The following NKAIN2 variants were observed in gnomAD, a reference collection of about 807,000 sequenced individuals.
NKAIN2 encodes the protein sodium/potassium-transporting ATPase subunit beta-1-interacting protein 2.
In NKAIN2, 14 loss-of-function variants were observed where a neutral mutation model predicts 32.6. The ratio of observed to expected loss-of-function variants is 0.43; its 90% CI spans 0.28 to 0.67. The LOEUF is 0.67. NKAIN2 is among the 30% of genes least tolerant of loss of function. The pLI is 0.17. For synonymous variants in NKAIN2, 80 were observed against 87.2 expected (o/e 0.92, Z 0.46); for missense variants, 198 against 258.3 (o/e 0.77, Z 1.60).
chr6:123,907,127 A>T (rs547381478), intron 1 of NKAIN2, among the ~76,000 whole-genome samples: 127 of 152,240 alleles, frequency 8.3e-4, no homozygotes, highest in African/African-American at 2.9e-3. Context: ...GGTTTTATTT[A>T]CTGCTTGGCT....
chr6:124,447,777 G>A lies in NKAIN2; in HGVS notation c.273+92430G>A, dbSNP rs554210881. 6.6e-5 allele frequency among the ~76,000 whole-genome samples: 10 copies of A among 152,226 alleles called. No individual in the cohort carries two copies. The South Asian group carries it at 2.1e-3, about 32-fold the overall frequency. On this transcript the variant is annotated intron_variant, in intron 3 of 6. Coordinates refer to ENST00000368417, the MANE Select transcript of NKAIN2 (RefSeq NM_001040214.3). Reference sequence around the variant, plus strand: ...CGTGGAAGCTTCTCCAGGACTGAAAGTTTTTAAATGCTGGTGAGTTTGTGG... The same window carrying A: ...CGTGGAAGCTTCTCCAGGACTGAAAATTTTTAAATGCTGGTGAGTTTGTGG...
At chr6:123,893,646 G>A (rs1000626883) in intron 1 of NKAIN2, among the ~76,000 whole-genome samples, 3 of 152,198 alleles carry the variant, frequency 2.0e-5, no homozygotes, top group Middle Eastern at 3.2e-3. Flanking sequence ...CTATATAGTG[G>A]TAGAGCAAAG....
chr6:124,147,499 A>G (rs746985102), intron 1 of NKAIN2, among the ~76,000 whole-genome samples: 1 of 152,154 alleles, frequency 6.6e-6, no homozygotes. Context: ...AAAGACTAAA[A>G]TAAATGCTCA....
intron 1 of NKAIN2, among the ~76,000 whole-genome samples, chr6:124,146,297 A>G (rs544254876): frequency 1.3e-5 from 2 of 152,338 alleles, no homozygotes; most frequent in East Asian, 1.9e-4. Flanking sequence ...TCTTTTCAGA[A>G]CTACAATTAG....
intron 2 of NKAIN2, among the ~76,000 whole-genome samples, chr6:124,286,686 G>A (rs1335790443): frequency 9.1e-5 from 12 of 131,260 alleles, no homozygotes; most frequent in African/African-American, 4.9e-4. Context: ...GCGCGCGTGT[G>A]TGTGTGTGTG....
chr6:124,598,735 A>T (rs546091040), intron 3 of NKAIN2, among the ~76,000 whole-genome samples: 1 of 152,238 alleles, frequency 6.6e-6, no homozygotes, highest in South Asian at 2.1e-4. Context: ...AGCACTTAAG[A>T]ACCTAAACCA....
chr6:124,483,125 A>G (rs1161236452), intron 3 of NKAIN2, among the ~76,000 whole-genome samples: 21 of 152,164 alleles, frequency 1.4e-4, no homozygotes, highest in Admixed American at 1.4e-3. Flanking sequence ...TTCAAAAAAA[A>G]AAAGGAAATG....
chr6:123,945,327 G>T (rs1368233928), intron 1 of NKAIN2, among the ~76,000 whole-genome samples: 2 of 152,066 alleles, frequency 1.3e-5, no homozygotes, highest in African/African-American at 4.8e-5. Context: ...TCTTATGAAG[G>T]ATGTGGTATA....
intron 4 of NKAIN2, among the ~76,000 whole-genome samples, chr6:124,749,481 A>G (rs1375562921): frequency 6.6e-6 from 1 of 152,026 alleles, no homozygotes; most frequent in Non-Finnish European, 1.5e-5. Flanking sequence ...AGGGTAAAAA[A>G]GAAAATTATA....
At chr6:124,026,615 A>G (rs914827918) in intron 1 of NKAIN2, among the ~76,000 whole-genome samples, 5 of 152,166 alleles carry the variant, frequency 3.3e-5, no homozygotes, top group East Asian at 1.9e-4. Context: ...CTCATCATCA[A>G]TCATTGCTTT....
At chr6:123,967,992 A>G (rs1267171614) in intron 1 of NKAIN2, among the ~76,000 whole-genome samples, 1 of 152,174 alleles carries the variant, frequency 6.6e-6, no homozygotes, top group African/African-American at 2.4e-5. Context: ...ATGTAAAATG[A>G]TGAGTTCTGG....
In NKAIN2 at chr6:124,486,418, T is replaced by C. The variant is rs565131872; in HGVS notation, c.273+131071T>C. ...TTAATGTATGAAATGTTTCTGGCAC[T>C]GCTTGTTTTTAGTAAGCGTTTGTGT... On this transcript the variant is annotated intron_variant, in intron 3 of 6. Coordinates refer to ENST00000368417, the MANE Select transcript of NKAIN2 (RefSeq NM_001040214.3). Among the ~76,000 whole-genome samples the C allele has an allele frequency of 2.0e-3, 307 of 152,366 alleles. 1 individual carries two copies. The highest frequency in any genetic ancestry group is 7.2e-3 in the African/African-American group (298 of 41,594).
intron 1 of NKAIN2, among the ~76,000 whole-genome samples, chr6:123,978,737 T>C (rs924167391): frequency 6.6e-6 from 1 of 152,174 alleles, no homozygotes; most frequent in South Asian, 2.1e-4. Context: ...CACTCACATA[T>C]ATCTTGTTAA....
At chr6:124,737,325 G>T (rs559508472) in intron 4 of NKAIN2, among the ~76,000 whole-genome samples, 2 of 151,798 alleles carry the variant, frequency 1.3e-5, no homozygotes, top group African/African-American at 2.4e-5. Context: ...TTTAAAAGGG[G>T]CTTTTCCCCC....
At chr6:123,932,892 G>C (rs1776320913) in intron 1 of NKAIN2, among the ~76,000 whole-genome samples, 1 of 151,014 alleles carries the variant, frequency 6.6e-6, no homozygotes, top group Non-Finnish European at 1.5e-5. Context: ...CACCACTCTG[G>C]TGAAGGTCTT....
chr6:124,640,714 C>T (rs1184980435), intron 3 of NKAIN2, among the ~76,000 whole-genome samples: 1 of 152,204 alleles, frequency 6.6e-6, no homozygotes, highest in East Asian at 1.9e-4. Context: ...AGATCCCACT[C>T]ATAGCTGATG....
chr6:124,189,781 C>T (rs1165654504), intron 1 of NKAIN2, among the ~76,000 whole-genome samples: 1 of 152,118 alleles, frequency 6.6e-6, no homozygotes, highest in African/African-American at 2.4e-5. Flanking sequence ...CATCTTTCCT[C>T]CTTAGTGGTA....
chr6:124,323,154 TTAAATA>T (rs1797264041), intron 2 of NKAIN2, among the ~76,000 whole-genome samples: 1 of 152,210 alleles, frequency 6.6e-6, no homozygotes, highest in Admixed American at 6.5e-5. Flanking sequence ...TTTGGATTGT[TTAAATA>T]TAATAAATAT....
At chr6:123,961,703 C>G (rs920641779) in intron 1 of NKAIN2, among the ~76,000 whole-genome samples, 1 of 152,128 alleles carries the variant, frequency 6.6e-6, no homozygotes, top group Non-Finnish European at 1.5e-5. Flanking sequence ...TCTATTTTCT[C>G]TTTTTGATAA....
Sources: gnomAD v4.1 joint callset for allele counts (sites outside exome capture counted in the v4.1 genomes callset) on GRCh38, gnomAD v4.1.1 for gene constraint, MANE v1.5 for transcripts, NCBI Gene and HGNC (gene_info 2026-07-23, HGNC 2026-07-21) for gene names.